Variants in ATG5 observed in about 807,000 individuals in gnomAD.
ATG5 encodes the protein autophagy related 5.
Under a neutral mutation model 36.5 loss-of-function variants are expected in ATG5, and 14 were observed. The observed-to-expected ratio is 0.38, with a 90% CI of 0.25 to 0.60. The LOEUF (loss-of-function observed/expected upper bound fraction) is 0.60. Among genes scored for constraint, ATG5 ranks in the 20% least tolerant of loss-of-function variants. ATG5 has a pLI of 0.60. For synonymous variants in ATG5, 95 were observed against 101.5 expected, an observed-to-expected ratio of 0.94 and a Z score of 0.38; for missense variants, 195 against 326.7, an observed-to-expected ratio of 0.60 and a Z score of 3.11.
intron 6 of ATG5, chr6:106,217,518 A>G (rs1211411272): frequency 6.6e-6 from 1 of 152,208 alleles, no homozygotes; most frequent in Non-Finnish European, 1.5e-5. Context: ...GCTCGCCACC[A>G]GTTAGGGTAG....
chr6:106,201,815 T>A (rs182871883), intron 7 of ATG5, 157 bp downstream of exon 7: 2 of 428,752 alleles, frequency 4.7e-6, no homozygotes, highest in African/African-American at 2.0e-5. Flanking sequence ...TACAAAATAA[T>A]ATATTAAATA....
intron 5 of ATG5, among the ~76,000 whole-genome samples, chr6:106,248,586 G>T (rs1778442245): frequency 6.6e-6 from 1 of 152,104 alleles, no homozygotes; most frequent in Non-Finnish European, 1.5e-5. Context: ...ACTTCTAATT[G>T]CTGAGCTACA....
At chr6:106,292,650 A>T (rs1346621790) in intron 4 of ATG5, among the ~76,000 whole-genome samples, 1 of 152,196 alleles carries the variant, frequency 6.6e-6, no homozygotes, top group African/African-American at 2.4e-5. Flanking sequence ...TCAAAACTTT[A>T]AATTTTATTT....
intron 5 of ATG5, among the ~76,000 whole-genome samples, chr6:106,269,632 G>T (rs1273481349): frequency 6.6e-6 from 1 of 152,228 alleles, no homozygotes; most frequent in Admixed American, 6.5e-5. Flanking sequence ...TACACCCTCC[G>T]CAGCCGCTGG....
intron 6 of ATG5, among the ~76,000 whole-genome samples, chr6:106,221,830 TAGTA>T (rs1413172354): frequency 6.6e-6 from 1 of 151,648 alleles, no homozygotes; most frequent in Admixed American, 6.6e-5. Flanking sequence ...AGAAAGAAAA[TAGTA>T]AGTCAGTAAG....
intron 6 of ATG5, among the ~76,000 whole-genome samples, chr6:106,231,839 T>TA (rs1352866097): frequency 7.9e-5 from 12 of 151,396 alleles, no homozygotes; most frequent in East Asian, 3.9e-4. Context: ...ACAAATGGGA[T>TA]AAAAAAAAGG....
intron 5 of ATG5, among the ~76,000 whole-genome samples, chr6:106,253,623 A>G (rs1343171766): frequency 2.6e-5 from 4 of 151,874 alleles, no homozygotes; most frequent in Non-Finnish European, 4.4e-5. Flanking sequence ...TACCACTTTC[A>G]CCTCTCTGAG....
chr6:106,319,794 G>A (rs954800376), intron 1 of ATG5, among the ~76,000 whole-genome samples: 5 of 152,140 alleles, frequency 3.3e-5, no homozygotes, highest in Non-Finnish European at 5.9e-5. Flanking sequence ...TTTCACCTCT[G>A]ATACTTGGAA....
At position 106,248,373 on chromosome 6, in the gene ATG5, T is replaced by G. The variant is rs994149055; in HGVS notation, c.479-129A>C. 1.4e-5 allele frequency: 8 copies of G among 577,602 alleles called. No homozygotes were observed. The African/African-American group carries it at 1.5e-4, about 11-fold the overall frequency. The allele number at this position is 577,602 out of a possible 1,614,324, so 35.8% of individuals were successfully genotyped here. ...AAGGACATCACATATATTTTCTTAT[T>G]TTTATTAAACTTATCTTTCCATAAA... On this transcript the variant is annotated intron_variant, in intron 5 of 7. Transcript: ENST00000369076.
chr6:106,220,433 C>T (rs1315127006), intron 6 of ATG5, among the ~76,000 whole-genome samples: 1 of 151,948 alleles, frequency 6.6e-6, no homozygotes, highest in Non-Finnish European at 1.5e-5. Context: ...AGAACTGAGG[C>T]GTATACTTCA....
rs113427694 is a variant in ATG5 at position 106,309,671 on chromosome 6, T to C, written c.109-1180A>G. ...TGTTTTAAATAACTTGCCAATATCA[T>C]GCTATTCTTAAATAAATGGCAGAGA... is the stretch of plus-strand genomic sequence containing the variant. On this transcript the variant is annotated intron_variant, in intron 2 of 7. Transcript: ENST00000369076. Among the ~76,000 whole-genome samples the C allele has an allele frequency of 2.6e-5, 4 of 152,294 alleles. 1 individual carries two copies. Among genetic ancestry groups the C allele is most frequent in the African/African-American group, 9.6e-5 (4 of 41,584 alleles).
chr6:106,277,967 C>T (rs1329471192), intron 5 of ATG5, among the ~76,000 whole-genome samples: 2 of 151,916 alleles, frequency 1.3e-5, no homozygotes, highest in East Asian at 3.8e-4. Flanking sequence ...TTTTTAGAGA[C>T]AGGGTCTCAC....
At chr6:106,288,119 TAC>T (rs964046376) in intron 4 of ATG5, among the ~76,000 whole-genome samples, 3 of 151,052 alleles carry the variant, frequency 2.0e-5, no homozygotes, top group Admixed American at 2.0e-4. Context: ...TACAGGCACC[TAC>T]CACCATGCCC....
At chr6:106,288,522 G>C (rs1459435256) in intron 4 of ATG5, among the ~76,000 whole-genome samples, 1 of 152,124 alleles carries the variant, frequency 6.6e-6, no homozygotes. Flanking sequence ...ATACAAAAAT[G>C]CCTATAAAAA....
intron 6 of ATG5, among the ~76,000 whole-genome samples, chr6:106,245,456 G>C (rs1778292864): frequency 6.6e-6 from 1 of 152,112 alleles, no homozygotes; most frequent in Admixed American, 6.6e-5. Flanking sequence ...TCAGGCCTAG[G>C]TCTGGATTCT....
intron 3 of ATG5, among the ~76,000 whole-genome samples, chr6:106,303,428 C>G (rs1582676217): frequency 6.6e-6 from 1 of 151,980 alleles, no homozygotes; most frequent in Admixed American, 6.6e-5. Flanking sequence ...AATTAACATG[C>G]TCCCCAAAAA....
intron 7 of ATG5, among the ~76,000 whole-genome samples, chr6:106,198,331 T>C (rs1226022467): frequency 6.6e-6 from 1 of 152,238 alleles, no homozygotes; most frequent in African/African-American, 2.4e-5. Context: ...GACTTTTTAC[T>C]AAATTCCTTT....
At chr6:106,259,404 C>T (rs1778925891) in intron 5 of ATG5, among the ~76,000 whole-genome samples, 1 of 152,136 alleles carries the variant, frequency 6.6e-6, no homozygotes, top group East Asian at 1.9e-4. Context: ...TTGAAATTAT[C>T]CTCCCAGTGT....
chr6:106,233,492 GA>G (rs886201211), intron 6 of ATG5, among the ~76,000 whole-genome samples: 3 of 152,074 alleles, frequency 2.0e-5, no homozygotes, highest in African/African-American at 7.2e-5. Flanking sequence ...ACATGTCACA[GA>G]AAAAAACAGA....
Sources: gnomAD v4.1 joint callset for allele counts (sites outside exome capture counted in the v4.1 genomes callset) on GRCh38, gnomAD v4.1.1 for gene constraint, MANE v1.5 for transcripts, NCBI Gene and HGNC (gene_info 2026-07-23, HGNC 2026-07-21) for gene names.